KCNH7: variants seen among roughly 807,000 people sequenced by gnomAD.
KCNH7 encodes potassium voltage-gated channel subfamily H member 7.
A neutral mutation model predicts 120.8 loss-of-function variants in KCNH7; 49 were observed. The observed-to-expected ratio is 0.41, with a 90% CI of 0.32 to 0.51. The LOEUF is 0.51. Among genes scored for constraint, KCNH7 ranks in the 20% least tolerant of loss-of-function variants. The pLI is 0.38. For synonymous variants in KCNH7, 547 were observed against 516.1 expected (o/e 1.06, Z -0.81); for missense variants, 1,097 against 1,446.6 (o/e 0.76, Z 3.92).
intron 2 of KCNH7, among the ~76,000 whole-genome samples, chr2:162,616,254 A>C (rs987146270): frequency 2.6e-5 from 4 of 152,176 alleles, no homozygotes; most frequent in Non-Finnish European, 5.9e-5. Flanking sequence ...TGACCCTTAC[A>C]TTGTAATGTT....
intron 2 of KCNH7, among the ~76,000 whole-genome samples, chr2:162,779,807 A>G (rs1014438373): frequency 2.0e-5 from 3 of 152,126 alleles, no homozygotes; most frequent in Non-Finnish European, 4.4e-5. Flanking sequence ...GTGTCATTGT[A>G]CATAACCACT....
chr2:162,552,171 C>G (rs970412487), intron 2 of KCNH7, among the ~76,000 whole-genome samples: 2 of 152,192 alleles, frequency 1.3e-5, no homozygotes, highest in Non-Finnish European at 2.9e-5. Context: ...ACAGTGGAAA[C>G]AGACTAAGAA....
intron 2 of KCNH7, among the ~76,000 whole-genome samples, chr2:162,566,564 GACA>G (rs922921757): frequency 6.6e-6 from 1 of 151,988 alleles, no homozygotes; most frequent in African/African-American, 2.4e-5. Context: ...ATCTCATGTA[GACA>G]ACATTTATTC....
intron 2 of KCNH7, among the ~76,000 whole-genome samples, chr2:162,733,443 G>A (rs1687797768): frequency 6.6e-6 from 1 of 152,218 alleles, no homozygotes; most frequent in Non-Finnish European, 1.5e-5. Flanking sequence ...AGCAGAAGCA[G>A]TAAGAGCCAT....
At chr2:162,787,082 T>C (rs989473252) in intron 2 of KCNH7, among the ~76,000 whole-genome samples, 1 of 152,226 alleles carries the variant, frequency 6.6e-6, no homozygotes, top group African/African-American at 2.4e-5. Context: ...GTATCAGGCC[T>C]TCTCCAGTTA....
At chr2:162,386,172 C>T (rs1686564901) in intron 12 of KCNH7, among the ~76,000 whole-genome samples, 1 of 151,882 alleles carries the variant, frequency 6.6e-6, no homozygotes, top group East Asian at 1.9e-4. Flanking sequence ...TCATTGATTA[C>T]TTACTGTTAC....
chr2:162,662,220 G>A (rs1254195516), intron 2 of KCNH7, among the ~76,000 whole-genome samples: 7 of 152,012 alleles, frequency 4.6e-5, no homozygotes, highest in East Asian at 1.9e-4. Context: ...CCACAATCGC[G>A]TCACTGTACT....
At chr2:162,398,279 A>G (rs1686971150) in intron 10 of KCNH7, among the ~76,000 whole-genome samples, 1 of 151,844 alleles carries the variant, frequency 6.6e-6, no homozygotes, top group African/African-American at 2.4e-5. Context: ...AAGACTTTTA[A>G]GTAATAAGGT....
chr2:162,640,926 A>T (rs1684132090), intron 2 of KCNH7, among the ~76,000 whole-genome samples: 1 of 152,166 alleles, frequency 6.6e-6, no homozygotes, highest in African/African-American at 2.4e-5. Context: ...TCACATGAAA[A>T]AAGTTCCACC....
intron 6 of KCNH7, among the ~76,000 whole-genome samples, chr2:162,459,963 G>A (rs549981771): frequency 4.9e-4 from 74 of 151,968 alleles, no homozygotes; most frequent in East Asian, 1.2e-3. Flanking sequence ...GCGTGGTGGC[G>A]CATGCCTGTA....
chr2:162,751,760 A>G (rs958533997), intron 2 of KCNH7, among the ~76,000 whole-genome samples: 2 of 151,694 alleles, frequency 1.3e-5, no homozygotes, highest in Non-Finnish European at 2.9e-5. Context: ...TGAATTATGA[A>G]TACAAAAGCA....
chr2:162,504,688 A>G (rs759148341), intron 5 of KCNH7, 31 bp from the exon 6 acceptor site: 1 of 1,320,078 alleles, frequency 7.6e-7, no homozygotes, highest in Non-Finnish European at 1.1e-6. Flanking sequence ...TGTAAGAGTA[A>G]TATAAGAAGA....
intron 3 of KCNH7, among the ~76,000 whole-genome samples, chr2:162,532,700 A>G (rs1691965146): frequency 6.6e-6 from 1 of 151,984 alleles, no homozygotes; most frequent in African/African-American, 2.4e-5. Flanking sequence ...TCTCTGACAA[A>G]AAGACAGTCA....
intron 2 of KCNH7, among the ~76,000 whole-genome samples, chr2:162,790,018 A>G (rs1055129030): frequency 6.6e-6 from 1 of 151,942 alleles, no homozygotes; most frequent in Non-Finnish European, 1.5e-5. Context: ...AATAAAGACT[A>G]GAGAACAATA....
At position 162,715,220 on chromosome 2, in the gene KCNH7, T is replaced by C. The variant is rs370688614; in HGVS notation, c.307+121317A>G. Among the ~76,000 whole-genome samples the C allele has an allele frequency of 1.1e-4, 16 of 152,194 alleles. No individual in the cohort carries two copies. The East Asian group carries it at 2.7e-3, about 26-fold the overall frequency. On this transcript the variant is annotated intron_variant, in intron 2 of 15. Transcript: ENST00000332142. ...TGTTTCTGGGGAAGCCTCAGGGAGCTTACAATCATGGCAGAAAGTGAAGTG... is the reference window on the plus strand; with the variant it reads ...TGTTTCTGGGGAAGCCTCAGGGAGCCTACAATCATGGCAGAAAGTGAAGTG...
chr2:162,520,793 A>T (rs773872857), intron 3 of KCNH7, among the ~76,000 whole-genome samples: 28 of 151,878 alleles, frequency 1.8e-4, no homozygotes, highest in Non-Finnish European at 3.4e-4. Context: ...TTAATATATG[A>T]TTATGTAAAC....
intron 6 of KCNH7, among the ~76,000 whole-genome samples, chr2:162,490,785 G>T (rs1380860562): frequency 6.6e-6 from 1 of 152,182 alleles, no homozygotes; most frequent in East Asian, 1.9e-4. Flanking sequence ...TTTCAGGGCT[G>T]TCATGGCACC....
chr2:162,461,107 C>A (rs747606196), intron 6 of KCNH7, among the ~76,000 whole-genome samples: 1 of 151,970 alleles, frequency 6.6e-6, no homozygotes, highest in African/African-American at 2.4e-5. Flanking sequence ...TGGATGGACA[C>A]AAATGTGAAG....
intron 2 of KCNH7, among the ~76,000 whole-genome samples, chr2:162,562,387 T>A (rs2105881596): frequency 6.6e-6 from 1 of 152,280 alleles, no homozygotes; most frequent in East Asian, 1.9e-4. Flanking sequence ...GCTTGACGGC[T>A]CCTTCTGTCT....
Sources: allele counts gnomAD v4.1 joint callset (sites outside exome capture counted in the v4.1 genomes callset), GRCh38; gene constraint gnomAD v4.1.1; transcripts MANE v1.5; gene names NCBI Gene and HGNC (gene_info 2026-07-23, HGNC 2026-07-21).